PLD1: variants seen among roughly 807,000 people sequenced by gnomAD.
The protein encoded by PLD1 is choline phosphatase 1.
Under a neutral mutation model 137.1 loss-of-function variants are expected in PLD1, and 112 were observed. The observed-to-expected ratio is 0.82, with a 90% confidence interval of 0.70 to 0.96. PLD1 has a LOEUF of 0.96. Among genes scored for constraint, PLD1 ranks in the 40% least tolerant of loss-of-function variants. The pLI, the probability that PLD1 is intolerant of heterozygous loss-of-function variation, is 0.00. For synonymous variants in PLD1, 431 were observed against 454.7 expected (o/e 0.95, Z 0.66); for missense variants, 1,321 against 1,342.0 (o/e 0.98, Z 0.24).
Position 171,699,714 on chromosome 3 carries a change from T to C in PLD1, c.1227+31A>G, listed in dbSNP as rs1441081271. Reference sequence around the variant, plus strand: ...TCAGAGACAACAGACAGTTAAAAAATTATATCAGCATTTTCTGGGAAAGTA... The same window carrying C: ...TCAGAGACAACAGACAGTTAAAAAACTATATCAGCATTTTCTGGGAAAGTA... On this transcript the variant is annotated intron_variant, in intron 12 of 26. Coordinates refer to ENST00000351298, the MANE Select transcript of PLD1 (RefSeq NM_002662.5). The C allele has an allele frequency of 2.0e-6, 3 of 1,495,668 alleles. No individual in the cohort carries two copies. In the African/African-American group the frequency reaches 4.1e-5, roughly 21 times the overall value. 92.6% of individuals were successfully genotyped at this position (1,495,668 alleles called of 1,614,324 possible).
chr3:171,708,320 T>C (rs1716859838), intron 11 of PLD1, among the ~76,000 whole-genome samples: 2 of 152,170 alleles, frequency 1.3e-5, no homozygotes, highest in South Asian at 4.1e-4. Context: ...GGCCTAGTCA[T>C]TACAGAGGAT....
chr3:171,708,846 A>T lies in PLD1; in HGVS notation c.1062-8T>A. On this transcript the variant is annotated splice_polypyrimidine_tract_variant and splice_region_variant and intron_variant, in intron 10 of 26. Coordinates refer to ENST00000351298, the MANE Select transcript of PLD1 (RefSeq NM_002662.5). Reference sequence around the variant, plus strand: ...CCTTTGGCATTAACATACCTGAAAGACAAGTTTATTGTTCCTTTTTGTTAT... The same window carrying T: ...CCTTTGGCATTAACATACCTGAAAGTCAAGTTTATTGTTCCTTTTTGTTAT... 1 of 1,506,332 alleles carries T rather than the reference A, an allele frequency of 6.6e-7. No individual in the cohort carries two copies. The highest frequency in any genetic ancestry group is 9.2e-7 in the Non-Finnish European group (1 of 1,082,320). 93.3% of individuals were successfully genotyped at this position (1,506,332 alleles called of 1,614,324 possible). A position where few individuals can be genotyped will look rare whatever the true frequency, so the allele number is the denominator to read the frequency against.
At chr3:171,618,945 A>C (rs1416870455) in intron 24 of PLD1, among the ~76,000 whole-genome samples, 1 of 152,060 alleles carries the variant, frequency 6.6e-6, no homozygotes, top group Admixed American at 6.6e-5. Flanking sequence ...TTCTATTCAA[A>C]TCATGTTCCA....
At chr3:171,617,336 T>TA (rs1486528279) in intron 24 of PLD1, among the ~76,000 whole-genome samples, 1 of 152,176 alleles carries the variant, frequency 6.6e-6, no homozygotes, top group Non-Finnish European at 1.5e-5. Context: ...GAGCTCGACT[T>TA]AGTTTCTCCT....
chr3:171,624,569 A>G (rs1733923721), intron 23 of PLD1, among the ~76,000 whole-genome samples: 1 of 152,000 alleles, frequency 6.6e-6, no homozygotes, highest in Non-Finnish European at 1.5e-5. Context: ...ATGTATATAT[A>G]TTAATATATA....
At chr3:171,638,446 C>T (rs1031660764) in intron 23 of PLD1, among the ~76,000 whole-genome samples, 15 of 152,208 alleles carry the variant, frequency 9.9e-5, no homozygotes, top group Admixed American at 8.5e-4. Context: ...CTTACGGGAC[C>T]ACCATCATGC....
intron 23 of PLD1, among the ~76,000 whole-genome samples, chr3:171,624,435 A>G (rs73038053): frequency 0.079 from 12,043 of 152,206 alleles, 1,347 homozygotes; most frequent in African/African-American, 0.25. Flanking sequence ...ATGCAAATTC[A>G]TACAAATTTT....
At chr3:171,694,013 A>G (rs1715454434) in intron 12 of PLD1, among the ~76,000 whole-genome samples, 1 of 152,192 alleles carries the variant, frequency 6.6e-6, no homozygotes, top group South Asian at 2.1e-4. Context: ...CAAACCAAAC[A>G]CATAAACATT....
Position 171,724,718 on chromosome 3 carries a change from C to T in PLD1, c.736G>A (p.Ala246Thr). Reference protein sequence around the residue: ...PGLNCCGQGRACYRWSKRWLI... With the variant: ...PGLNCCGQGRTCYRWSKRWLI... ...TACCTTTTTGACCATCTGTAGCAGG[C>T]TCTTCCCTGACCACAGCAATTCAAG... The change falls in exon 8 of 27, where the codon GCC becomes ACC. Residue 246 changes from alanine (A) to threonine (T), a missense_variant. Transcript: ENST00000351298. The T allele has an allele frequency of 6.2e-7, 1 of 1,607,438 alleles. No individual in the cohort carries two copies. The highest frequency in any genetic ancestry group is 8.5e-7 in the Non-Finnish European group (1 of 1,174,366).
At chr3:171,607,483 G>A (rs181301527) in intron 25 of PLD1, among the ~76,000 whole-genome samples, 1 of 152,024 alleles carries the variant, frequency 6.6e-6, no homozygotes, top group East Asian at 1.9e-4. Context: ...TCTAAAATAG[G>A]CAATATATTA....
At chr3:171,677,816 G>A (rs888021658) in intron 16 of PLD1, 122 bp from the exon 17 acceptor site, 8 of 945,870 alleles carry the variant, frequency 8.5e-6, no homozygotes, top group African/African-American at 6.6e-5. Context: ...AACTAGGGTG[G>A]CATCTGTCCA....
chr3:171,667,174 G>A (rs2108451703), intron 19 of PLD1, among the ~76,000 whole-genome samples: 1 of 152,296 alleles, frequency 6.6e-6, no homozygotes, highest in South Asian at 2.1e-4. Flanking sequence ...CTTTTTATAT[G>A]TTTCACAAGC....
chr3:171,748,553 C>T (rs1411044596), intron 1 of PLD1, among the ~76,000 whole-genome samples: 3 of 152,098 alleles, frequency 2.0e-5, no homozygotes, highest in African/African-American at 7.2e-5. Flanking sequence ...ATCTGGCAAA[C>T]TCACATTGTA....
intron 13 of PLD1, among the ~76,000 whole-genome samples, chr3:171,690,830 C>A (rs1715082816): frequency 6.6e-6 from 1 of 152,112 alleles, no homozygotes; most frequent in Non-Finnish European, 1.5e-5. Flanking sequence ...GTTCTGTATG[C>A]CCATTGGATC....
intron 25 of PLD1, among the ~76,000 whole-genome samples, chr3:171,610,903 TAGAC>T (rs1300051942): frequency 1.3e-5 from 2 of 152,334 alleles, no homozygotes; most frequent in Non-Finnish European, 2.9e-5. Flanking sequence ...TTGAGCTACT[TAGAC>T]AGAGACAGCA....
chr3:171,699,646 G>A, intron 12 of PLD1, 99 bp downstream of exon 12: 1 of 825,516 alleles, frequency 1.2e-6, no homozygotes, highest in East Asian at 2.5e-5. Context: ...AAACTCTAAA[G>A]TGAAAAGTTA....
chr3:171,673,886 T>TGTAGTTG (rs1055722982), intron 19 of PLD1, among the ~76,000 whole-genome samples: 1 of 150,754 alleles, frequency 6.6e-6, no homozygotes, highest in African/African-American at 2.5e-5. Context: ...ATATTTGAGC[T>TGTAGTTG]GTAGTTGGTA....
chr3:171,613,032 T>C (rs2108272836), intron 24 of PLD1, among the ~76,000 whole-genome samples: 1 of 152,200 alleles, frequency 6.6e-6, no homozygotes, highest in African/African-American at 2.4e-5. Context: ...TAGCTGAGTG[T>C]GGTGACGCAT....
chr3:171,698,728 TG>T (rs1483156949), intron 12 of PLD1, among the ~76,000 whole-genome samples: 1 of 148,708 alleles, frequency 6.7e-6, no homozygotes, highest in Non-Finnish European at 1.5e-5. Context: ...GAAGCCGAGG[TG>T]GGCAGATCAC....
Sources: gnomAD v4.1 joint callset for allele counts (sites outside exome capture counted in the v4.1 genomes callset) on GRCh38, gnomAD v4.1.1 for gene constraint, MANE v1.5 for transcripts, NCBI Gene and HGNC (gene_info 2026-07-23, HGNC 2026-07-21) for gene names.